FARS2: variants seen among roughly 807,000 people sequenced by gnomAD.
FARS2 encodes phenylalanyl-tRNA synthetase 2, mitochondrial, also known as phenylalanine--tRNA ligase, mitochondrial.
FARS2 carries 40 observed loss-of-function variants against 46.4 expected under a neutral mutation model. The ratio of observed to expected loss-of-function variants is 0.86; its 90% CI spans 0.67 to 1.12. FARS2 has a LOEUF of 1.12. Among genes scored for constraint, FARS2 ranks in the 50% most tolerant of loss-of-function variants. FARS2 has a pLI of 0.00. For synonymous variants in FARS2, 234 were observed against 214.9 expected (o/e 1.09, Z -0.78); for missense variants, 513 against 567.9 (o/e 0.90, Z 0.98).
intron 4 of FARS2, among the ~76,000 whole-genome samples, chr6:5,464,125 A>G (rs1343909986): frequency 6.6e-6 from 1 of 152,230 alleles, no homozygotes; most frequent in Non-Finnish European, 1.5e-5. Context: ...AGCAGCATTT[A>G]TTGAACACCT....
At chr6:5,482,709 A>T (rs892037348) in intron 4 of FARS2, among the ~76,000 whole-genome samples, 2 of 152,156 alleles carry the variant, frequency 1.3e-5, no homozygotes, top group African/African-American at 4.8e-5. Flanking sequence ...AAGCACAGAG[A>T]AAAAAACCTC....
intron 6 of FARS2, among the ~76,000 whole-genome samples, chr6:5,642,554 T>A (rs1776874283): frequency 1.3e-5 from 2 of 152,194 alleles, no homozygotes; most frequent in Non-Finnish European, 2.9e-5. Flanking sequence ...GCATGCCCTG[T>A]CTTCCCTCTT....
chr6:5,341,119 G>T (rs1303342176), intron 1 of FARS2, among the ~76,000 whole-genome samples: 2 of 144,768 alleles, frequency 1.4e-5, no homozygotes, highest in Admixed American at 1.4e-4. Flanking sequence ...CTGCATTCCA[G>T]CCTGGGCGAC....
At chr6:5,716,395 A>G (rs377709374) in intron 6 of FARS2, among the ~76,000 whole-genome samples, 2 of 152,158 alleles carry the variant, frequency 1.3e-5, no homozygotes, top group South Asian at 2.1e-4. Context: ...GATCCCCCCT[A>G]CCCATTCCCC....
At chr6:5,361,289 A>T (rs1377034731) in intron 1 of FARS2, among the ~76,000 whole-genome samples, 1 of 152,154 alleles carries the variant, frequency 6.6e-6, no homozygotes, top group Non-Finnish European at 1.5e-5. Context: ...GTCTCCCATA[A>T]TTTGCTTAAT....
intron 1 of FARS2, among the ~76,000 whole-genome samples, chr6:5,301,810 C>CAT (rs1312179112): frequency 1.3e-4 from 14 of 105,490 alleles, no homozygotes; most frequent in Non-Finnish European, 2.3e-4. Context: ...CATACACACA[C>CAT]ACACACACAC....
At chr6:5,609,557 A>G (rs2150663623) in intron 5 of FARS2, 12 of 1,287,666 alleles carry the variant, frequency 9.3e-6, no homozygotes, top group Non-Finnish European at 1.2e-5. Flanking sequence ...TGTCATTCCC[A>G]CTGAAACCAC....
rs564859442 is a variant in FARS2, at chr6:5,400,653, C to T, written c.613-3889C>T. On this transcript the variant is annotated intron_variant, in intron 2 of 6. Coordinates refer to ENST00000274680, the MANE Select transcript of FARS2 (RefSeq NM_006567.5). ...TGTGTGTGTGTGTGTGTAAAATATA[C>T]GTATACATATTTATGTATACACACA... 1.1e-4 allele frequency among the ~76,000 whole-genome samples: 17 copies of T among 150,004 alleles called. No individual in the cohort carries two copies. In the South Asian group the frequency reaches 2.1e-3, roughly 19 times the overall value.
intron 6 of FARS2, among the ~76,000 whole-genome samples, chr6:5,743,829 A>G (rs1206718135): frequency 1.3e-5 from 2 of 152,242 alleles, no homozygotes; most frequent in African/African-American, 4.8e-5. Context: ...AAGGTATTCT[A>G]TCAACAGGCA....
chr6:5,346,293 G>A (rs1561973913), intron 1 of FARS2, among the ~76,000 whole-genome samples: 1 of 152,124 alleles, frequency 6.6e-6, no homozygotes, highest in Non-Finnish European at 1.5e-5. Context: ...ATAGTACTTG[G>A]GTGAATAAAA....
At chr6:5,306,893 A>G (rs1768742726) in intron 1 of FARS2, among the ~76,000 whole-genome samples, 1 of 152,040 alleles carries the variant, frequency 6.6e-6, no homozygotes, top group Admixed American at 6.6e-5. Flanking sequence ...TTGGTTTTGA[A>G]AGGATTAACA....
intron 5 of FARS2, chr6:5,610,254 G>A: frequency 2.2e-6 from 1 of 464,184 alleles, no homozygotes; most frequent in South Asian, 4.9e-5. Flanking sequence ...TCCACGAGCA[G>A]AAAGTAGCAA....
chr6:5,445,377 G>A (rs574193487), intron 4 of FARS2, among the ~76,000 whole-genome samples: 9 of 152,190 alleles, frequency 5.9e-5, no homozygotes, highest in African/African-American at 1.9e-4. Context: ...ATGGTACTGT[G>A]GGGATAAACA....
chr6:5,354,600 G>A (rs764139304), intron 1 of FARS2, among the ~76,000 whole-genome samples: 14 of 150,118 alleles, frequency 9.3e-5, no homozygotes, highest in Non-Finnish European at 1.9e-4. Context: ...TGCAAGCTCC[G>A]CCTCCCAGGT....
intron 5 of FARS2, among the ~76,000 whole-genome samples, chr6:5,560,668 T>A (rs768250576): frequency 1.3e-5 from 2 of 152,184 alleles, no homozygotes; most frequent in Admixed American, 6.5e-5. Context: ...TTTGATCCAA[T>A]TTACTAGTGA....
the FARS2 span, among the ~76,000 whole-genome samples, chr6:5,253,834 A>C: frequency 3.8e-3 from 31 of 8,068 alleles, no homozygotes; most frequent in Admixed American, 4.9e-3. Flanking sequence ...CATGCTGAGC[A>C]AAAAAAAAAA....
At chr6:5,415,879 T>G (rs1032922205) in intron 3 of FARS2, among the ~76,000 whole-genome samples, 1 of 152,104 alleles carries the variant, frequency 6.6e-6, no homozygotes, top group African/African-American at 2.4e-5. Context: ...TTAATTTTGT[T>G]TATATTTTGT....
intron 1 of FARS2, among the ~76,000 whole-genome samples, chr6:5,298,868 A>C (rs1448794997): frequency 6.7e-6 from 1 of 148,334 alleles, no homozygotes; most frequent in Non-Finnish European, 1.5e-5. Flanking sequence ...ATCTCAAAAA[A>C]AAAAAAAAAA....
chr6:5,436,314 C>T (rs1032553575), intron 4 of FARS2, among the ~76,000 whole-genome samples: 1 of 152,186 alleles, frequency 6.6e-6, no homozygotes, highest in East Asian at 1.9e-4. Flanking sequence ...CAGTCTGTCC[C>T]TGTCTCTGGT....
Sources: gnomAD v4.1 joint callset for allele counts (sites outside exome capture counted in the v4.1 genomes callset) on GRCh38, gnomAD v4.1.1 for gene constraint, MANE v1.5 for transcripts, NCBI Gene and HGNC (gene_info 2026-07-23, HGNC 2026-07-21) for gene names.